Variants in THSD4 observed in about 807,000 individuals in gnomAD.
THSD4 encodes the protein thrombospondin type 1 domain containing 4.
THSD4 carries 69 observed loss-of-function variants against 119.0 expected under a neutral mutation model. The ratio of observed to expected loss-of-function variants is 0.58; its 90% confidence interval spans 0.48 to 0.71. THSD4 has a LOEUF of 0.71. Among genes scored for constraint, THSD4 ranks in the 30% least tolerant of loss-of-function variants. THSD4 has a pLI of 0.00. For synonymous variants in THSD4, 524 were observed against 540.4 expected (o/e 0.97, Z 0.42); for missense variants, 1,393 against 1,391.1 (o/e 1.00, Z -0.02).
intron 6 of THSD4, among the ~76,000 whole-genome samples, chr15:71,346,951 G>A (rs1475280274): frequency 3.2e-5 from 4 of 124,440 alleles, no homozygotes; most frequent in East Asian, 5.4e-4. Context: ...TCGGCTCACC[G>A]CAGCCTCCGC....
At chr15:71,442,662 A>ATGTATG (rs1293956011) in intron 7 of THSD4, among the ~76,000 whole-genome samples, 1,410 of 35,864 alleles carry the variant, frequency 0.039, 157 homozygotes, top group South Asian at 0.056. Context: ...GTGTGTGTGT[A>ATGTATG]TATATATATA....
intron 6 of THSD4, among the ~76,000 whole-genome samples, chr15:71,338,303 A>T (rs1381588401): frequency 7.5e-6 from 1 of 133,168 alleles, no homozygotes; most frequent in East Asian, 2.7e-4. Flanking sequence ...CTTTCCGAAC[A>T]CTCAGCAGTA....
At chr15:71,197,880 CTT>C (rs60974093) in intron 3 of THSD4, among the ~76,000 whole-genome samples, 17,153 of 152,050 alleles carry the variant, frequency 0.11, 1,183 homozygotes, top group African/African-American at 0.18. Context: ...GTTTGGCACT[CTT>C]GGGTGATTGG....
intron 5 of THSD4, among the ~76,000 whole-genome samples, chr15:71,255,983 A>G (rs2044310815): frequency 6.6e-6 from 1 of 151,956 alleles, no homozygotes; most frequent in South Asian, 2.1e-4. Context: ...TGTCAGAAGT[A>G]GAAGGTTTAG....
chr15:71,659,579 A>AT (rs1044690332), intron 7 of THSD4, among the ~76,000 whole-genome samples: 4 of 151,894 alleles, frequency 2.6e-5, no homozygotes, highest in Non-Finnish European at 5.9e-5. Flanking sequence ...CACCTGGTTA[A>AT]TTTTTTACTT....
chr15:71,156,775 C>T (rs1023653110), intron 3 of THSD4, among the ~76,000 whole-genome samples: 11 of 152,274 alleles, frequency 7.2e-5, no homozygotes, highest in Admixed American at 4.6e-4. Context: ...ATGTCAACTC[C>T]GTGAAAGTAG....
chr15:71,465,878 G>T (rs567962686), intron 7 of THSD4, among the ~76,000 whole-genome samples: 1 of 152,184 alleles, frequency 6.6e-6, no homozygotes, highest in Non-Finnish European at 1.5e-5. Context: ...GCACTTCCAT[G>T]GGGGGTAGGT....
At chr15:71,265,765 TG>T (rs983854812) in intron 6 of THSD4, among the ~76,000 whole-genome samples, 7 of 151,682 alleles carry the variant, frequency 4.6e-5, no homozygotes, top group African/African-American at 1.2e-4. Context: ...TTGAGCTTTG[TG>T]GGGGGGGAGG....
chr15:71,341,569 C>T lies in THSD4; in HGVS notation c.1016-70118C>T, dbSNP rs374840427. On this transcript the variant is annotated intron_variant, in intron 6 of 17. Coordinates refer to ENST00000261862, the MANE Select transcript of THSD4 (RefSeq NM_024817.3). ...ACTGTTTCTGTAAAGTGACATCTTT[C>T]AGATACTTCGTGGCTTTTCGTATAT... 1,525 of 1,608,348 alleles carry T rather than the reference C, an allele frequency of 9.5e-4. 4 individuals are homozygous for T. Among genetic ancestry groups the T allele is most frequent in the Non-Finnish European group, 1.2e-3 (1,412 of 1,175,852 alleles).
Position 71,590,401 on chromosome 15 carries a change from C to T in THSD4, c.1153-70129C>T, listed in dbSNP as rs751590861. 5.1e-5 allele frequency among the ~76,000 whole-genome samples: 7 copies of T among 137,626 alleles called. 1 individual carries two copies. The highest frequency in any genetic ancestry group is 9.9e-5 in the Non-Finnish European group (6 of 60,630). The allele number at this position is 137,626 out of a possible 152,430, so 90.3% of individuals were successfully genotyped here. A position where few individuals can be genotyped will look rare whatever the true frequency, so the allele number is the denominator to read the frequency against. On this transcript the variant is annotated intron_variant, in intron 7 of 17. Transcript: ENST00000261862. ...CCATAAAAAGGAACATGATCATGTC[C>T]TTTGCAGGAACACGGATGGAGCTGG...
At chr15:71,263,723 C>G (rs1018934675) in intron 6 of THSD4, among the ~76,000 whole-genome samples, 2 of 152,174 alleles carry the variant, frequency 1.3e-5, no homozygotes, top group Non-Finnish European at 2.9e-5. Flanking sequence ...TAGAATTGAT[C>G]CACATTGTTT....
intron 6 of THSD4, among the ~76,000 whole-genome samples, chr15:71,266,766 A>G (rs2044469583): frequency 6.6e-6 from 1 of 151,990 alleles, no homozygotes; most frequent in South Asian, 2.1e-4. Flanking sequence ...GAAGAATATA[A>G]GTGACCTGAT....
At chr15:71,533,429 A>G (rs543627281) in intron 7 of THSD4, among the ~76,000 whole-genome samples, 19 of 152,312 alleles carry the variant, frequency 1.2e-4, no homozygotes, top group African/African-American at 3.9e-4. Flanking sequence ...GCATACACCA[A>G]TCAGTGTCAC....
intron 7 of THSD4, among the ~76,000 whole-genome samples, chr15:71,521,349 A>G (rs1159137403): frequency 6.6e-6 from 1 of 152,218 alleles, no homozygotes; most frequent in Non-Finnish European, 1.5e-5. Flanking sequence ...GGTATTTTTA[A>G]AAGAAATTGT....
At chr15:71,626,386 T>C (rs1279975379) in intron 7 of THSD4, among the ~76,000 whole-genome samples, 1 of 152,242 alleles carries the variant, frequency 6.6e-6, no homozygotes, top group African/African-American at 2.4e-5. Flanking sequence ...CTTTGTCTTC[T>C]TCCAGACCCT....
intron 6 of THSD4, among the ~76,000 whole-genome samples, chr15:71,297,315 C>CTTTTTTTTTTTTTTT (rs772196153): frequency 7.3e-6 from 1 of 137,656 alleles, no homozygotes; most frequent in African/African-American, 2.7e-5. Context: ...CTCTCCTCTT[C>CTTTTTTTTTTTTTTT]TTTTTTTTGT....
intron 6 of THSD4, among the ~76,000 whole-genome samples, chr15:71,401,308 C>G (rs2046528798): frequency 2.0e-5 from 3 of 152,126 alleles, no homozygotes; most frequent in Admixed American, 2.0e-4. Context: ...GAGGGACCTC[C>G]CATTATTAAT....
intron 7 of THSD4, among the ~76,000 whole-genome samples, chr15:71,656,946 G>A (rs912881201): frequency 6.6e-6 from 1 of 152,124 alleles, no homozygotes; most frequent in African/African-American, 2.4e-5. Context: ...AGTCAGAAAG[G>A]CCTGTTCATT....
At chr15:71,199,247 A>G (rs968931492) in intron 3 of THSD4, among the ~76,000 whole-genome samples, 1 of 151,818 alleles carries the variant, frequency 6.6e-6, no homozygotes, top group East Asian at 1.9e-4. Flanking sequence ...TCCTCCTTTC[A>G]GTTTCCGTCC....
Sources: gnomAD v4.1 joint callset for allele counts (sites outside exome capture counted in the v4.1 genomes callset) on GRCh38, gnomAD v4.1.1 for gene constraint, MANE v1.5 for transcripts, NCBI Gene and HGNC (gene_info 2026-07-23, HGNC 2026-07-21) for gene names.